The following IQSEC3 variants were observed in gnomAD, a reference collection of about 807,000 sequenced individuals.
IQSEC3 encodes the protein IQ motif and SEC7 domain-containing protein 3.
Under a neutral mutation model 105.4 loss-of-function variants are expected in IQSEC3, and 50 were observed. The observed-to-expected ratio is 0.47, with a 90% CI of 0.38 to 0.60. The LOEUF (loss-of-function observed/expected upper bound fraction) is 0.60, where lower values mean the gene tolerates loss of function less well. Among genes scored for constraint, IQSEC3 ranks in the 20% least tolerant of loss-of-function variants. The pLI is 0.00. For synonymous variants in IQSEC3, 708 were observed against 746.0 expected, an observed-to-expected ratio of 0.95 and a Z score of 0.83; for missense variants, 1,415 against 1,630.0, an observed-to-expected ratio of 0.87 and a Z score of 2.27.
intron 2 of IQSEC3, among the ~76,000 whole-genome samples, chr12:107,773 TTG>T (rs1864726854): frequency 6.6e-6 from 1 of 152,250 alleles, no homozygotes; most frequent in African/African-American, 2.4e-5. Flanking sequence ...ACCCACACAC[TTG>T]TTTAACAAGG....
At chr12:110,712 T>C (rs1350493356) in intron 2 of IQSEC3, among the ~76,000 whole-genome samples, 2 of 151,916 alleles carry the variant, frequency 1.3e-5, no homozygotes, top group African/African-American at 4.8e-5. Context: ...AAAAATGGGG[T>C]CATAAAAATT....
chr12:82,069 T>C (rs1000068705), intron 1 of IQSEC3, among the ~76,000 whole-genome samples: 3 of 152,138 alleles, frequency 2.0e-5, no homozygotes, highest in Non-Finnish European at 4.4e-5. Flanking sequence ...ATCAACCAAA[T>C]AGAACATGTG....
chr12:167,213 T>G (rs2137061478), intron 11 of IQSEC3: 1 of 152,314 alleles, frequency 6.6e-6, no homozygotes, highest in Non-Finnish European at 1.5e-5. Flanking sequence ...GCTGTTTTTC[T>G]GGAGCATTTT....
Position 163,487 on chromosome 12 carries a change from C to A in IQSEC3, c.2584-7C>A. On this transcript the variant is annotated splice_region_variant and splice_polypyrimidine_tract_variant and intron_variant, in intron 8 of 13. Transcript: ENST00000538872. ...TCTCTCCCGCTGAGCGCCCTGCCCG[C>A]GTGCAGGTGCTGTCCGTGCCCCACC... 6.3e-7 allele frequency: 1 copy of A among 1,598,344 alleles called. No individual in the cohort carries two copies. Among genetic ancestry groups the A allele is most frequent in the Non-Finnish European group, 8.5e-7 (1 of 1,170,736 alleles).
chr12:140,772 C>T (rs782518763), intron 4 of IQSEC3: 1 of 233,256 alleles, frequency 4.3e-6, no homozygotes, highest in Admixed American at 5.5e-5. Flanking sequence ...CTCCCACCCT[C>T]TCTCCAGGGT....
At chr12:79,617 G>A (rs1399215287) in intron 1 of IQSEC3, among the ~76,000 whole-genome samples, 1 of 151,980 alleles carries the variant, frequency 6.6e-6, no homozygotes, top group Non-Finnish European at 1.5e-5. Flanking sequence ...TTTTTGTAGA[G>A]ACGGAGGCCT....
intron 5 of IQSEC3, among the ~76,000 whole-genome samples, chr12:150,468 G>A (rs2137027830): frequency 6.6e-6 from 1 of 152,306 alleles, no homozygotes; most frequent in South Asian, 2.1e-4. Context: ...GTTGAGAGGG[G>A]GATAGGGCCC....
intron 2 of IQSEC3, among the ~76,000 whole-genome samples, chr12:116,548 C>A (rs1865055997): frequency 6.6e-6 from 1 of 152,196 alleles, no homozygotes; most frequent in Admixed American, 6.5e-5. Context: ...AGGAGTAACT[C>A]CATTTTGTTT....
rs1555098047 is a variant in IQSEC3, at chr12:165,528, A to ATGAGTGTAAGTCTTTGACAG, written c.2804_2805insTGAGTGTAAGTCTTTGACAG (p.Tyr937CysfsTer16). ...GGCATGCAGTTCCAGCTCTTTGAGA[A>ATGAGTGTAAGTCTTTGACAG]CGAGTGTAAGTCTTTGACAGCCAGT... On this transcript the variant is annotated frameshift_variant, in exon 10 of 14. Coordinates refer to ENST00000538872, the MANE Select transcript of IQSEC3 (RefSeq NM_001170738.2). LOFTEE classifies it high-confidence loss of function. The ATGAGTGTAAGTCTTTGACAG allele has an allele frequency of 5.0e-6, 8 of 1,608,044 alleles. No individual in the cohort carries two copies. The highest frequency in any genetic ancestry group is 1.6e-4 in the Middle Eastern group (1 of 6,070).
At chr12:96,068 C>A (rs894891975) in intron 1 of IQSEC3, among the ~76,000 whole-genome samples, 15 of 152,158 alleles carry the variant, frequency 9.9e-5, no homozygotes, top group Non-Finnish European at 1.3e-4. Flanking sequence ...GGTTGGGCTG[C>A]AGCTTTGTTT....
intron 1 of IQSEC3, among the ~76,000 whole-genome samples, chr12:86,538 G>A (rs1863923250): frequency 6.6e-6 from 1 of 152,152 alleles, no homozygotes; most frequent in Admixed American, 6.5e-5. Flanking sequence ...AAGCCTTCGA[G>A]ATAGATGCTG....
rs1356510084 is a variant in IQSEC3, at chr12:169,175, G to T, written c.3064+70G>T. The T allele has an allele frequency of 2.1e-5, 27 of 1,282,728 alleles. No homozygotes were observed. The Admixed American group carries it at 4.8e-4, about 23-fold the overall frequency. 79.5% of individuals were successfully genotyped at this position (1,282,728 alleles called of 1,614,324 possible). On this transcript the variant is annotated intron_variant, in intron 12 of 13. Transcript: ENST00000538872. ...CTCGGGGACCCTGGGTGTGGGTCCT[G>T]GGCAATCTGCAGGGAGAGGTGCCCA...
At chr12:87,420 T>A (rs999920065) in intron 1 of IQSEC3, among the ~76,000 whole-genome samples, 1 of 152,142 alleles carries the variant, frequency 6.6e-6, no homozygotes, top group African/African-American at 2.4e-5. Context: ...GGCCAACGTA[T>A]GCTACAGAAA....
intron 13 of IQSEC3, among the ~76,000 whole-genome samples, chr12:172,434 G>A (rs1447126936): frequency 5.9e-5 from 9 of 151,830 alleles, no homozygotes; most frequent in Non-Finnish European, 1.3e-4. Context: ...GCCCTGCCCT[G>A]CCCTAGCCTG....
intron 1 of IQSEC3, among the ~76,000 whole-genome samples, chr12:81,253 T>A (rs1370321407): frequency 6.6e-6 from 1 of 152,128 alleles, no homozygotes; most frequent in Non-Finnish European, 1.5e-5. Context: ...TGTTTCTTGT[T>A]GTTGAGGGCA....
At chr12:71,555 C>G (rs1201460062) in intron 1 of IQSEC3, among the ~76,000 whole-genome samples, 3 of 152,266 alleles carry the variant, frequency 2.0e-5, no homozygotes, top group African/African-American at 7.2e-5. Flanking sequence ...AGGTTTATGT[C>G]AGAATTGTAA....
chr12:121,674 A>G (rs1331767371), intron 2 of IQSEC3, among the ~76,000 whole-genome samples: 3 of 152,114 alleles, frequency 2.0e-5, no homozygotes, highest in Admixed American at 1.3e-4. Flanking sequence ...TTTCAGTTCC[A>G]TGAAGGTTGA....
intron 11 of IQSEC3, 77 bp downstream of exon 11, chr12:165,967 G>T (rs1867156416): frequency 1.3e-6 from 2 of 1,531,714 alleles, no homozygotes; most frequent in Non-Finnish European, 1.8e-6. Context: ...AGACAGACAT[G>T]CCTGACTCCA....
chr12:129,159 G>A (rs1386489482), intron 3 of IQSEC3, among the ~76,000 whole-genome samples: 13 of 152,214 alleles, frequency 8.5e-5, no homozygotes, highest in Non-Finnish European at 1.6e-4. Flanking sequence ...GAGCTGTTCC[G>A]CTCAACAGCA....
Sources: gnomAD v4.1 joint callset for allele counts (sites outside exome capture counted in the v4.1 genomes callset) on GRCh38, gnomAD v4.1.1 for gene constraint, MANE v1.5 for transcripts, NCBI Gene and HGNC (gene_info 2026-07-23, HGNC 2026-07-21) for gene names.